Variants in PTPRD observed in about 807,000 individuals in gnomAD.
PTPRD encodes the protein protein tyrosine phosphatase receptor type D.
Under a neutral mutation model 214.5 loss-of-function variants are expected in PTPRD, and 34 were observed. The observed-to-expected ratio is 0.16, with a 90% CI of 0.12 to 0.21. PTPRD has a LOEUF of 0.21. Ranked by LOEUF, PTPRD falls within the 10% of genes least tolerant of loss-of-function variation. PTPRD has a pLI of 1.00. For synonymous variants in PTPRD, 1,128 were observed against 845.7 expected (o/e 1.33, Z -5.79); for missense variants, 2,545 against 2,398.7 (o/e 1.06, Z -1.27).
intron 9 of PTPRD, among the ~76,000 whole-genome samples, chr9:9,221,424 C>T (rs974918308): frequency 6.6e-6 from 1 of 151,992 alleles, no homozygotes; most frequent in Non-Finnish European, 1.5e-5. Flanking sequence ...TGGGCTGCCA[C>T]AACATAATAT....
intron 9 of PTPRD, among the ~76,000 whole-genome samples, chr9:9,284,021 T>C (rs1327651691): frequency 2.0e-5 from 3 of 151,752 alleles, no homozygotes; most frequent in Non-Finnish European, 3.0e-5. Context: ...TGGCATGTCC[T>C]AGTAGATTCC....
At chr9:9,249,864 T>A (rs542254819) in intron 9 of PTPRD, among the ~76,000 whole-genome samples, 15 of 152,212 alleles carry the variant, frequency 9.9e-5, no homozygotes, top group African/African-American at 3.6e-4. Flanking sequence ...CTTTCAGACT[T>A]CAGTGGTTTC....
At chr9:8,611,536 C>T (rs1244347377) in intron 14 of PTPRD, among the ~76,000 whole-genome samples, 1 of 151,914 alleles carries the variant, frequency 6.6e-6, no homozygotes, top group Non-Finnish European at 1.5e-5. Context: ...AAAACCCTGT[C>T]TCTACAAAAA....
At position 10,098,690 on chromosome 9, in the gene PTPRD, CA is replaced by C. The variant is rs141358864; in HGVS notation, c.-544-64901del. Among the ~76,000 whole-genome samples the C allele has an allele frequency of 8.5e-3, 1,296 of 151,774 alleles. 28 individuals are homozygous for C. The highest frequency in any genetic ancestry group is 0.03 in the African/African-American group (1,231 of 41,456). On this transcript the variant is annotated intron_variant, in intron 3 of 45. Transcript: ENST00000381196. ...GTTACTTCAAGTAACTTTCCTACTT[CA>C]GTCAGTTTTTAATGTTCTAAATTCA...
At chr9:10,139,313 C>A (rs1482105561) in intron 3 of PTPRD, among the ~76,000 whole-genome samples, 1 of 151,244 alleles carries the variant, frequency 6.6e-6, no homozygotes, top group Non-Finnish European at 1.5e-5. Flanking sequence ...AGGAATACTG[C>A]TAATCAAGGA....
intron 2 of PTPRD, among the ~76,000 whole-genome samples, chr9:10,433,328 T>A (rs2098695626): frequency 6.6e-6 from 1 of 151,994 alleles, no homozygotes; most frequent in Non-Finnish European, 1.5e-5. Flanking sequence ...TGGACATAAA[T>A]GTCTTCAGCA....
chr9:9,006,408 A>G (rs1268685944), intron 11 of PTPRD, among the ~76,000 whole-genome samples: 1 of 152,118 alleles, frequency 6.6e-6, no homozygotes, highest in Non-Finnish European at 1.5e-5. Flanking sequence ...TAAGGAATAG[A>G]CAAGGCACAA....
intron 5 of PTPRD, among the ~76,000 whole-genome samples, chr9:9,920,577 T>C (rs955894535): frequency 6.6e-6 from 1 of 152,258 alleles, no homozygotes; most frequent in South Asian, 2.1e-4. Context: ...CAACAATAAA[T>C]TTGTTACGTC....
intron 9 of PTPRD, among the ~76,000 whole-genome samples, chr9:9,240,574 G>A (rs2099969848): frequency 6.6e-6 from 1 of 152,242 alleles, no homozygotes; most frequent in African/African-American, 2.4e-5. Context: ...GGGAGACTGA[G>A]TTAGGAGAAT....
intron 7 of PTPRD, among the ~76,000 whole-genome samples, chr9:9,635,065 C>G (rs1392061347): frequency 6.6e-6 from 1 of 152,068 alleles, no homozygotes; most frequent in Non-Finnish European, 1.5e-5. Flanking sequence ...AGGACATATC[C>G]TTACTATTTT....
At chr9:10,097,069 A>G (rs1225956417) in intron 3 of PTPRD, among the ~76,000 whole-genome samples, 2 of 151,192 alleles carry the variant, frequency 1.3e-5, no homozygotes, top group African/African-American at 2.4e-5. Context: ...ATTATTTCTG[A>G]GGGCTCTGTT....
At chr9:9,211,324 TC>T (rs1323790059) in intron 9 of PTPRD, among the ~76,000 whole-genome samples, 14 of 152,188 alleles carry the variant, frequency 9.2e-5, no homozygotes, top group African/African-American at 3.1e-4. Flanking sequence ...AGTATACTCA[TC>T]TTTAAAATGA....
At chr9:9,564,464 C>T (rs937228473) in intron 8 of PTPRD, among the ~76,000 whole-genome samples, 2 of 152,040 alleles carry the variant, frequency 1.3e-5, no homozygotes, top group Non-Finnish European at 2.9e-5. Flanking sequence ...AAATTTCTGA[C>T]TCCACATTAG....
intron 12 of PTPRD, among the ~76,000 whole-genome samples, chr9:8,637,509 T>C (rs1042469700): frequency 1.3e-5 from 2 of 152,224 alleles, no homozygotes; most frequent in Non-Finnish European, 2.9e-5. Flanking sequence ...TACAAAGATG[T>C]AGACTTAAAG....
rs191957836 is a variant in PTPRD at position 10,029,833 on chromosome 9, T to G, written c.-472+3885A>C. On this transcript the variant is annotated intron_variant, in intron 4 of 45. Coordinates refer to ENST00000381196, the MANE Select transcript of PTPRD (RefSeq NM_002839.4). Reference sequence around the variant, plus strand: ...TGATTGGTTTTGAAATATGAGAACATAAGATTTGGGAGGGGCCAGGGACAG... The same window carrying G: ...TGATTGGTTTTGAAATATGAGAACAGAAGATTTGGGAGGGGCCAGGGACAG... Among the ~76,000 whole-genome samples, 4 of 152,166 alleles carry G rather than the reference T, an allele frequency of 2.6e-5. No individual in the cohort carries two copies. In the East Asian group the frequency reaches 7.8e-4, roughly 30 times the overall value.
intron 3 of PTPRD, among the ~76,000 whole-genome samples, chr9:10,128,602 A>C (rs2098836798): frequency 6.6e-6 from 1 of 152,114 alleles, no homozygotes. Context: ...TGTTTAAGCC[A>C]CCCATATTGT....
chr9:8,459,206 G>C (rs535612198), intron 33 of PTPRD, among the ~76,000 whole-genome samples: 41 of 149,834 alleles, frequency 2.7e-4, no homozygotes, highest in African/African-American at 1.0e-3. Context: ...GTAGGAAAAA[G>C]AGTGAATGGA....
chr9:9,043,679 G>A lies in PTPRD; in HGVS notation c.-142-24944C>T, dbSNP rs562699611. Among the ~76,000 whole-genome samples, 223 of 152,138 alleles carry A rather than the reference G, an allele frequency of 1.5e-3. 1 individual carries two copies. Among genetic ancestry groups the A allele is most frequent in the African/African-American group, 4.7e-3 (196 of 41,512 alleles). ...AGCACTTTGTGAGGCCAAGGCAGGC[G>A]GATCACGTGAGGCCAGATGTTTGAC... On this transcript the variant is annotated intron_variant, in intron 10 of 45. Transcript: ENST00000381196.
chr9:9,281,864 G>A (rs141477080), intron 9 of PTPRD, among the ~76,000 whole-genome samples: 3 of 150,824 alleles, frequency 2.0e-5, no homozygotes, highest in Admixed American at 6.6e-5. Flanking sequence ...GATACCCTAC[G>A]GTAGATGAAT....
Sources: gnomAD v4.1 joint callset for allele counts (sites outside exome capture counted in the v4.1 genomes callset) on GRCh38, gnomAD v4.1.1 for gene constraint, MANE v1.5 for transcripts, NCBI Gene and HGNC (gene_info 2026-07-23, HGNC 2026-07-21) for gene names.